RIN2: variants seen among roughly 807,000 people sequenced by gnomAD.
RIN2 encodes Ras and Rab interactor 2.
Under a neutral mutation model 78.0 loss-of-function variants are expected in RIN2, and 36 were observed. That is an observed-to-expected ratio of 0.46 (90% CI 0.35 to 0.61). The LOEUF is 0.61. RIN2 is among the 20% of genes least tolerant of loss of function. RIN2 has a pLI of 0.00. For missense variants in RIN2, 1,087 were observed against 1,159.7 expected (o/e 0.94, Z 0.91); for synonymous variants, 466 against 466.8 (o/e 1.00, Z 0.02).
intron 2 of RIN2, among the ~76,000 whole-genome samples, chr20:19,837,156 C>T (rs1397452067): frequency 7.3e-6 from 1 of 136,926 alleles, no homozygotes; most frequent in Non-Finnish European, 1.5e-5. Context: ...GAACATCACA[C>T]ACCGCCCCCC....
intron 2 of RIN2, among the ~76,000 whole-genome samples, chr20:19,805,288 C>G (rs1290534875): frequency 6.6e-6 from 1 of 152,230 alleles, no homozygotes; most frequent in Non-Finnish European, 1.5e-5. Flanking sequence ...CAGGTTACCA[C>G]TGTGGGCACC....
chr20:19,965,511 C>G (rs115908079), intron 7 of RIN2, among the ~76,000 whole-genome samples: 230 of 152,310 alleles, frequency 1.5e-3, no homozygotes, highest in African/African-American at 5.4e-3. Flanking sequence ...TTAAACCAGC[C>G]CATCAGTCTT....
rs1022129908 is a variant in RIN2, at chr20:19,876,352, A to G, written c.-36-13214A>G. Among the ~76,000 whole-genome samples, 9 of 152,120 alleles carry G rather than the reference A, an allele frequency of 5.9e-5. No individual in the cohort carries two copies. In the East Asian group the frequency reaches 1.4e-3, roughly 23 times the overall value. On this transcript the variant is annotated intron_variant, in intron 2 of 12. Coordinates refer to ENST00000255006, the MANE Select transcript of RIN2 (RefSeq NM_018993.4). Reference sequence around the variant, plus strand: ...CGACTGAAAGATTTGATTTCTGTCTACTCTCTGTGTATACCCCAATGAGAT... The same window carrying G: ...CGACTGAAAGATTTGATTTCTGTCTGCTCTCTGTGTATACCCCAATGAGAT...
At chr20:19,951,829 A>G (rs893142551) in intron 4 of RIN2, among the ~76,000 whole-genome samples, 1 of 152,172 alleles carries the variant, frequency 6.6e-6, no homozygotes, top group Non-Finnish European at 1.5e-5. Flanking sequence ...CCATTCCACT[A>G]TGACCATGTT....
At chr20:19,912,404 G>GGA (rs1275397093) in intron 3 of RIN2, among the ~76,000 whole-genome samples, 1 of 151,972 alleles carries the variant, frequency 6.6e-6, no homozygotes. Context: ...GGCTCCAGGA[G>GGA]GCCTGTTCCC....
At chr20:19,896,530 A>AG (rs1342009225) in intron 3 of RIN2, among the ~76,000 whole-genome samples, 7 of 152,224 alleles carry the variant, frequency 4.6e-5, no homozygotes, top group Non-Finnish European at 1.0e-4. Flanking sequence ...GACTGTGAGT[A>AG]GACGGAACAT....
At chr20:19,838,461 T>C (rs1443664628) in intron 2 of RIN2, among the ~76,000 whole-genome samples, 1 of 152,232 alleles carries the variant, frequency 6.6e-6, no homozygotes. Context: ...TAACTACATA[T>C]ATATTTCATT....
chr20:19,950,066 T>C (rs2041252053), intron 4 of RIN2, among the ~76,000 whole-genome samples: 1 of 152,178 alleles, frequency 6.6e-6, no homozygotes, highest in African/African-American at 2.4e-5. Flanking sequence ...AACCTTAACC[T>C]GGTTGTCACG....
chr20:19,901,948 G>A lies in RIN2; in HGVS notation c.57+12290G>A, dbSNP rs540018143. ...GGAGAATCACTCGAACCCGGGAGGC[G>A]GAGGTTGTGATGAGCCAAGATGGCA... On this transcript the variant is annotated intron_variant, in intron 3 of 12. Transcript: ENST00000255006. Among the ~76,000 whole-genome samples, 6 of 150,364 alleles carry A rather than the reference G, an allele frequency of 4.0e-5. No homozygotes were observed. In the South Asian group the frequency reaches 8.4e-4, roughly 21 times the overall value.
intron 2 of RIN2, among the ~76,000 whole-genome samples, chr20:19,811,907 T>C (rs1190261216): frequency 1.3e-5 from 2 of 152,180 alleles, no homozygotes; most frequent in African/African-American, 4.8e-5. Flanking sequence ...CTATTTTAAG[T>C]GTACCAGTGT....
At chr20:19,889,399 G>A in intron 2 of RIN2, 167 bp from the exon 3 acceptor site, 1 of 1,196,052 alleles carries the variant, frequency 8.4e-7, no homozygotes, top group Non-Finnish European at 1.1e-6. Context: ...CGCTGGTGGG[G>A]ACAGGAAATT....
chr20:19,801,265 T>A lies in RIN2; in HGVS notation c.-37+1518T>A, dbSNP rs2035232445. On this transcript the variant is annotated intron_variant, in intron 2 of 12. Coordinates refer to ENST00000255006, the MANE Select transcript of RIN2 (RefSeq NM_018993.4). Reference sequence around the variant, plus strand: ...TTCTTTTCCTTATCATGTAAAATAATCATCAAGTAATTCTTTATTTTATTT... The same window carrying A: ...TTCTTTTCCTTATCATGTAAAATAAACATCAAGTAATTCTTTATTTTATTT... 2.0e-5 allele frequency among the ~76,000 whole-genome samples: 3 copies of A among 152,166 alleles called. No individual in the cohort carries two copies. The South Asian group carries it at 6.2e-4, about 32-fold the overall frequency.
intron 2 of RIN2, among the ~76,000 whole-genome samples, chr20:19,848,962 C>G (rs937745915): frequency 2.6e-5 from 4 of 152,118 alleles, no homozygotes; most frequent in African/African-American, 9.7e-5. Context: ...CATCAGTCGG[C>G]CATTTAGTTG....
intron 11 of RIN2, among the ~76,000 whole-genome samples, chr20:19,994,694 G>A (rs183212): frequency 0.054 from 8,128 of 151,874 alleles, 608 homozygotes; most frequent in African/African-American, 0.17. Context: ...CCCTCCATAC[G>A]GCCTTTCCTG....
At chr20:19,828,703 T>C (rs55961790) in intron 2 of RIN2, among the ~76,000 whole-genome samples, 11,820 of 152,296 alleles carry the variant, frequency 0.078, 870 homozygotes, top group African/African-American at 0.19. Flanking sequence ...ATGTTTCTTA[T>C]GAATGGAACA....
chr20:19,850,665 G>A (rs2036930890), intron 2 of RIN2, among the ~76,000 whole-genome samples: 1 of 152,158 alleles, frequency 6.6e-6, no homozygotes, highest in Admixed American at 6.6e-5. Context: ...GCACATTGTG[G>A]TTAGAAATGG....
At position 19,927,097 on chromosome 20, in the gene RIN2, G is replaced by A. The variant is rs553001594; in HGVS notation, c.58-8002G>A. ...GACAGGCAGGAGGAGATTGGACTCC[G>A]CGGACATTGTTTCTTTGTAGTCCCA... On this transcript the variant is annotated intron_variant, in intron 3 of 12. Coordinates refer to ENST00000255006, the MANE Select transcript of RIN2 (RefSeq NM_018993.4). 1.4e-4 allele frequency among the ~76,000 whole-genome samples: 22 copies of A among 152,328 alleles called. No homozygotes were observed. In the South Asian group the frequency reaches 1.4e-3, roughly 10 times the overall value.
At chr20:19,985,669 C>T (rs1321783725) in intron 9 of RIN2, among the ~76,000 whole-genome samples, 2 of 152,194 alleles carry the variant, frequency 1.3e-5, no homozygotes, top group East Asian at 1.9e-4. Flanking sequence ...ACCAGGAGTT[C>T]GAGGCCAACC....
intron 9 of RIN2, among the ~76,000 whole-genome samples, chr20:19,984,044 A>C (rs2042549757): frequency 7.4e-6 from 1 of 135,062 alleles, no homozygotes; most frequent in Non-Finnish European, 1.5e-5. Flanking sequence ...CCCACCCAAC[A>C]ACAGGCCCCC....
Sources: gnomAD v4.1 joint callset for allele counts (sites outside exome capture counted in the v4.1 genomes callset) on GRCh38, gnomAD v4.1.1 for gene constraint, MANE v1.5 for transcripts, NCBI Gene and HGNC (gene_info 2026-07-23, HGNC 2026-07-21) for gene names.